Variants in PTPN11 observed in about 807,000 individuals in gnomAD.
The protein encoded by PTPN11 is tyrosine-protein phosphatase non-receptor type 11.
PTPN11 carries 6 observed loss-of-function variants against 78.8 expected under a neutral mutation model. The observed-to-expected ratio is 0.08, with a 90% confidence interval of 0.04 to 0.15. The LOEUF (loss-of-function observed/expected upper bound fraction) is 0.15. Among genes scored for constraint, PTPN11 ranks in the 10% least tolerant of loss-of-function variants. The pLI, the probability that PTPN11 is intolerant of heterozygous loss-of-function variation, is 1.00. For missense variants in PTPN11, 386 were observed against 744.8 expected (o/e 0.52, Z 5.61); for synonymous variants, 221 against 263.5 (o/e 0.84, Z 1.56).
chr12:112,423,091 A>G (rs2037549719), intron 1 of PTPN11, among the ~76,000 whole-genome samples: 1 of 152,154 alleles, frequency 6.6e-6, no homozygotes, highest in African/African-American at 2.4e-5. Flanking sequence ...GATGCCCTAA[A>G]ATGCAGCCCA....
At chr12:112,465,595 A>G (rs77289136) in intron 6 of PTPN11, among the ~76,000 whole-genome samples, 156 of 151,924 alleles carry the variant, frequency 1.0e-3, no homozygotes, top group African/African-American at 3.5e-3. Flanking sequence ...TCTTCTTTCC[A>G]TTCATCTTCC....
chr12:112,436,315 A>G (rs779116278), intron 1 of PTPN11, among the ~76,000 whole-genome samples: 4 of 152,230 alleles, frequency 2.6e-5, no homozygotes, highest in Non-Finnish European at 4.4e-5. Flanking sequence ...TAATAGTTTT[A>G]AATGCTTTAT....
Position 112,477,676 on chromosome 12 carries a change from C to G in PTPN11, c.879C>G (p.His293Gln), listed in dbSNP as rs117730996. The G allele has an allele frequency of 2.7e-5, 43 of 1,612,894 alleles. No homozygotes were observed. Among genetic ancestry groups the G allele is most frequent in the Non-Finnish European group, 3.6e-5 (43 of 1,179,348 alleles). ...TTGATCATACCAGGGTTGTCCTACA[C>G]GATGGTGATCCCAATGAGCCTGTTT... ...LPFDHTRVVL[H>Q]DGDPNEPVSD... is the part of the protein sequence containing the mutation. The change falls in exon 8 of 16, where the codon CAC (histidine) becomes CAG (glutamine). Residue 293 changes from histidine (H) to glutamine (Q), a missense_variant. His to Gln is a conservative substitution (Grantham distance 24). Transcript: ENST00000351677.
chr12:112,425,472 GAACA>G (rs1196790318), intron 1 of PTPN11, among the ~76,000 whole-genome samples: 1 of 151,776 alleles, frequency 6.6e-6, no homozygotes, highest in Non-Finnish European at 1.5e-5. Context: ...TATTCCCCAA[GAACA>G]AATATAATAA....
At chr12:112,477,301 G>A (rs191929453) in intron 7 of PTPN11, among the ~76,000 whole-genome samples, 27 of 152,270 alleles carry the variant, frequency 1.8e-4, no homozygotes, top group Non-Finnish European at 2.2e-4. Flanking sequence ...ATAGGCCACT[G>A]CGCCCAGCCC....
At chr12:112,490,232 G>A (rs2135917913) in intron 13 of PTPN11, among the ~76,000 whole-genome samples, 1 of 151,842 alleles carries the variant, frequency 6.6e-6, no homozygotes, top group East Asian at 1.9e-4. Context: ...GTTGCCCAAA[G>A]AGAAGGATCT....
chr12:112,426,035 T>G (rs2037611050), intron 1 of PTPN11, among the ~76,000 whole-genome samples: 1 of 152,208 alleles, frequency 6.6e-6, no homozygotes, highest in Non-Finnish European at 1.5e-5. Flanking sequence ...ATGAAGTTCC[T>G]GAAATTACTG....
intron 3 of PTPN11, among the ~76,000 whole-genome samples, chr12:112,452,863 G>A (rs781486279): frequency 2.0e-5 from 3 of 152,092 alleles, no homozygotes; most frequent in African/African-American, 7.2e-5. Context: ...TTAAACAGTT[G>A]GTCCTTTTAA....
At chr12:112,474,505 A>G (rs954274688) in intron 7 of PTPN11, among the ~76,000 whole-genome samples, 1 of 151,890 alleles carries the variant, frequency 6.6e-6, no homozygotes, top group Non-Finnish European at 1.5e-5. Context: ...AGTGCAAGCC[A>G]TTGTGCCTGG....
rs144458761 is a variant in PTPN11 at position 112,483,427 on chromosome 12, C to T, written c.1224+1222C>T. 4.0e-3 allele frequency among the ~76,000 whole-genome samples: 616 copies of T among 152,246 alleles called. 4 individuals carry two copies. The highest frequency in any genetic ancestry group is 0.014 in the African/African-American group (579 of 41,554). On this transcript the variant is annotated intron_variant, in intron 10 of 15. Transcript: ENST00000351677. The stretch of plus-strand genomic sequence containing the variant: ...CTGGTCTTGAACTCCTGGGCTTAAG[C>T]GATCCTGCTGCCACATGCAGCCTCC...
intron 1 of PTPN11, among the ~76,000 whole-genome samples, chr12:112,426,313 G>C (rs1027046659): frequency 2.6e-5 from 4 of 152,062 alleles, no homozygotes; most frequent in Non-Finnish European, 5.9e-5. Context: ...CTGGAGTGCA[G>C]TGGCACCATC....
chr12:112,451,488 G>A (rs1191345984), intron 3 of PTPN11, among the ~76,000 whole-genome samples: 1 of 152,172 alleles, frequency 6.6e-6, no homozygotes, highest in Non-Finnish European at 1.5e-5. Flanking sequence ...AAAACATGGA[G>A]CAGTATTGTC....
At chr12:112,446,976 C>T (rs1256264869) in intron 2 of PTPN11, among the ~76,000 whole-genome samples, 3 of 152,270 alleles carry the variant, frequency 2.0e-5, no homozygotes, top group Non-Finnish European at 2.9e-5. Flanking sequence ...AGTGATCCTC[C>T]CGCCTCAGCC....
At chr12:112,446,696 C>T in intron 2 of PTPN11, among the ~76,000 whole-genome samples, 1 of 151,608 alleles carries the variant, frequency 6.6e-6, no homozygotes. Flanking sequence ...CTGCATTTTT[C>T]TTTTCCTTCC....
chr12:112,446,192 T>C, intron 1 of PTPN11, 84 bp from the exon 2 acceptor site: 1 of 1,559,554 alleles, frequency 6.4e-7, no homozygotes. Context: ...ACTCTGCTCA[T>C]AATGCGTCTT....
At chr12:112,465,779 A>C (rs746194210) in intron 6 of PTPN11, among the ~76,000 whole-genome samples, 1 of 152,096 alleles carries the variant, frequency 6.6e-6, no homozygotes, top group Non-Finnish European at 1.5e-5. Flanking sequence ...ATTCTCATTG[A>C]CTCGGATGCC....
intron 1 of PTPN11, among the ~76,000 whole-genome samples, chr12:112,421,693 G>A (rs1594122369): frequency 6.6e-6 from 1 of 152,010 alleles, no homozygotes; most frequent in South Asian, 2.1e-4. Context: ...GGAGTGCAGT[G>A]GTGCAATCAC....
In PTPN11 at chr12:112,489,128, G is replaced by C. The variant is rs1488010874; in HGVS notation, c.1552G>C (p.Val518Leu). 6.2e-7 allele frequency: 1 copy of C among 1,614,198 alleles called. No individual in the cohort carries two copies. The highest frequency in any genetic ancestry group is 1.7e-5 in the Admixed American group (1 of 60,020). Residue 518 changes from valine (V) to leucine (L), a missense_variant, in exon 13 of 16, where the codon GTC (valine) becomes CTC (leucine). By Grantham distance (32) the Val-to-Leu change is conservative. Coordinates refer to ENST00000351677, the MANE Select transcript of PTPN11 (RefSeq NM_002834.5). ...ACAGTACCGATTTATCTATATGGCG[G>C]TCCAGCATTATATTGAAACACTACA... ...EAQYRFIYMA[V>L]QHYIETLQRR...
chr12:112,486,461 TG>T lies in PTPN11; in HGVS notation c.1225-12del. Reference sequence around the variant, plus strand: ...TATTTAATTCTTTTCTGGTTTTTCTTGGCTCTACTCCAGGGGAATACGGAGA... The same window carrying T: ...TATTTAATTCTTTTCTGGTTTTTCTTGCTCTACTCCAGGGGAATACGGAGA... On this transcript the variant is annotated splice_polypyrimidine_tract_variant and intron_variant, in intron 10 of 15. Transcript: ENST00000351677. 5 of 1,610,622 alleles carry T rather than the reference TG, an allele frequency of 3.1e-6. No homozygotes were observed. Among genetic ancestry groups the T allele is most frequent in the Non-Finnish European group, 4.2e-6 (5 of 1,176,790 alleles).
Sources: gnomAD v4.1 joint callset for allele counts (sites outside exome capture counted in the v4.1 genomes callset) on GRCh38, gnomAD v4.1.1 for gene constraint, MANE v1.5 for transcripts, NCBI Gene and HGNC (gene_info 2026-07-23, HGNC 2026-07-21) for gene names.